Variants in CD276 observed in about 807,000 individuals in gnomAD.
CD276 encodes the protein CD276 molecule.
In CD276, 34 loss-of-function variants were observed where a neutral mutation model predicts 50.0. That is an observed-to-expected ratio of 0.68 (90% CI 0.52 to 0.91). CD276 has a LOEUF of 0.91. Ranked by LOEUF, CD276 falls within the 40% of genes least tolerant of loss-of-function variation. CD276 has a pLI of 0.00. For synonymous variants in CD276, 275 were observed against 313.0 expected, an observed-to-expected ratio of 0.88 and a Z score of 1.28; for missense variants, 634 against 717.5, an observed-to-expected ratio of 0.88 and a Z score of 1.33.
intron 2 of CD276, 51 bp from the exon 3 acceptor site, chr15:73,702,204 C>A: frequency 7.0e-7 from 1 of 1,420,474 alleles, no homozygotes; most frequent in Non-Finnish European, 9.5e-7. Flanking sequence ...ACTAGGGAGG[C>A]CCACCCCTCC....
chr15:73,707,158 C>G (rs1294214136), intron 6 of CD276, among the ~76,000 whole-genome samples: 1 of 152,262 alleles, frequency 6.6e-6, no homozygotes, highest in Non-Finnish European at 1.5e-5. Context: ...GCTGGGGTCT[C>G]TGCCGCCAAA....
chr15:73,713,268 C>A lies in CD276; in HGVS notation c.*312C>A. 1 of 372,364 alleles carries A rather than the reference C, an allele frequency of 2.7e-6. No individual in the cohort carries two copies. Among genetic ancestry groups the A allele is most frequent in the Non-Finnish European group, 4.8e-6 (1 of 207,572 alleles). 23.1% of individuals were successfully genotyped at this position (372,364 alleles called of 1,614,324 possible). A position where few individuals can be genotyped will look rare whatever the true frequency, so the allele number is the denominator to read the frequency against. ...TCTTAGGGACACAGTACACTGACCACATCACCACCCTCTTCTTCCAGTGCT... is the reference window on the plus strand; with the variant it reads ...TCTTAGGGACACAGTACACTGACCAAATCACCACCCTCTTCTTCCAGTGCT... On this transcript the variant is annotated 3_prime_UTR_variant, in exon 10 of 10. Transcript: ENST00000318443.
At chr15:73,691,372 T>C (rs890489735) in intron 1 of CD276, among the ~76,000 whole-genome samples, 1 of 152,204 alleles carries the variant, frequency 6.6e-6, no homozygotes, top group African/African-American at 2.4e-5. Context: ...GGATCAATTC[T>C]TTAGATTGTT....
rs777071836 is a variant in CD276, at chr15:73,714,221, A to T, written c.*1265A>T. 1.5e-5 allele frequency: 3 copies of T among 203,948 alleles called. No homozygotes were observed. The highest frequency in any genetic ancestry group is 2.9e-5 in the Non-Finnish European group (3 of 103,220). 12.6% of individuals were successfully genotyped at this position (203,948 alleles called of 1,614,324 possible). A position where few individuals can be genotyped will look rare whatever the true frequency, so the allele number is the denominator to read the frequency against. The stretch of plus-strand genomic sequence containing the variant: ...CTCTGGACCTTTCATAGCAGCAGAA[A>T]AGGCAGAGCCTGGGGCAGGGCAGGG... On this transcript the variant is annotated 3_prime_UTR_variant, in exon 10 of 10. Coordinates refer to ENST00000318443, the MANE Select transcript of CD276 (RefSeq NM_001024736.2).
In CD276 at chr15:73,687,874, A is replaced by G. The variant is rs977307456; in HGVS notation, c.-55+3414A>G. Among the ~76,000 whole-genome samples the G allele has an allele frequency of 6.6e-6, 1 of 152,134 alleles. No individual in the cohort carries two copies. The highest frequency in any genetic ancestry group is 1.5e-5 in the Non-Finnish European group (1 of 68,010). On this transcript the variant is annotated intron_variant, in intron 1 of 9. Transcript: ENST00000318443. The surrounding 1 kb of genome is among the most constrained non-coding windows in gnomAD (Gnocchi z 4.0). ...GGGAGAGATACTGTCTCTGGGAGGCAGGGGTCCCAAGTTACCCTAGAGGCA... is the reference window on the plus strand; with the variant it reads ...GGGAGAGATACTGTCTCTGGGAGGCGGGGGTCCCAAGTTACCCTAGAGGCA...
intron 4 of CD276, 139 bp downstream of exon 4, chr15:73,703,225 G>A (rs942594627): frequency 9.2e-7 from 1 of 1,086,714 alleles, no homozygotes; most frequent in African/African-American, 1.6e-5. Context: ...AGATAACGGG[G>A]AGGTGGGGAT....
intron 9 of CD276, 98 bp downstream of exon 9, chr15:73,711,268 T>A (rs1900890977): frequency 2.3e-6 from 3 of 1,296,324 alleles, no homozygotes; most frequent in Middle Eastern, 1.9e-4. Context: ...ACTAGTGACC[T>A]GAGGCCCCCT....
chr15:73,711,055 A>T, intron 8 of CD276, 80 bp from the exon 9 acceptor site: 1 of 1,466,856 alleles, frequency 6.8e-7, no homozygotes, highest in East Asian at 2.3e-5. Context: ...TCCAGCCCTC[A>T]CTCCTCCCTC....
At position 73,714,188 on chromosome 15, in the gene CD276, C is replaced by G. The variant is rs1164572823; in HGVS notation, c.*1232C>G. ...CCAGGTGTGGGCAGGTGGGCAGGCA[C>G]CAAGGCCCTCTGGACCTTTCATAGC... is the stretch of plus-strand genomic sequence containing the variant. On this transcript the variant is annotated 3_prime_UTR_variant, in exon 10 of 10. Transcript: ENST00000318443. 2 of 252,348 alleles carry G rather than the reference C, an allele frequency of 7.9e-6. No homozygotes were observed. Among genetic ancestry groups the G allele is most frequent in the African/African-American group, 4.8e-5 (2 of 42,030 alleles). 15.6% of individuals were successfully genotyped at this position (252,348 alleles called of 1,614,324 possible). A position where few individuals can be genotyped will look rare whatever the true frequency, so the allele number is the denominator to read the frequency against.
In CD276 at chr15:73,714,128, C is replaced by T. The variant is rs1252691122; in HGVS notation, c.*1172C>T. 2.2e-5 allele frequency: 6 copies of T among 276,932 alleles called. 1 individual carries two copies. Among genetic ancestry groups the T allele is most frequent in the South Asian group, 6.4e-5 (2 of 31,466 alleles). 17.2% of individuals were successfully genotyped at this position (276,932 alleles called of 1,614,324 possible). On this transcript the variant is annotated 3_prime_UTR_variant, in exon 10 of 10. Coordinates refer to ENST00000318443, the MANE Select transcript of CD276 (RefSeq NM_001024736.2). ...GAGAGAGGGACATAGCCCCTCGCCA[C>T]GGCTAGAGAATCTGGTGGTGTCCAA...
chr15:73,691,941 C>CT (rs1390543169), intron 1 of CD276, among the ~76,000 whole-genome samples: 1 of 152,130 alleles, frequency 6.6e-6, no homozygotes, highest in African/African-American at 2.4e-5. Context: ...CTCTGAGAAG[C>CT]TGTCAGGGAT....
intron 6 of CD276, among the ~76,000 whole-genome samples, chr15:73,707,134 C>T (rs961896839): frequency 1.3e-5 from 2 of 152,226 alleles, no homozygotes; most frequent in Admixed American, 6.5e-5. Context: ...GATCCATGCA[C>T]GAGGTGCATC....
chr15:73,690,797 T>C (rs1396926948), intron 1 of CD276: 1 of 455,264 alleles, frequency 2.2e-6, no homozygotes. Context: ...GAGTCCTATG[T>C]TGTAGGAACT....
intron 8 of CD276, among the ~76,000 whole-genome samples, chr15:73,710,496 G>A (rs1174690897): frequency 6.6e-6 from 1 of 152,216 alleles, no homozygotes; most frequent in African/African-American, 2.4e-5. Flanking sequence ...ATCCTGGGCT[G>A]GGAGAGGCAG....
chr15:73,694,697 G>A (rs1208656746), intron 1 of CD276, among the ~76,000 whole-genome samples: 2 of 152,156 alleles, frequency 1.3e-5, no homozygotes, highest in African/African-American at 4.8e-5. Context: ...GGAAAGGGAG[G>A]GGAGGGCATG....
At position 73,703,891 on chromosome 15, in the gene CD276, T is replaced by C. The variant is rs201893536; in HGVS notation, c.966T>C (p.Asn322=). Reference sequence around the variant, plus strand: ...TCCCGGACCTGCTGGCACAAGGCAATGCATCCCTGAGGCTGCAGCGCGTGC... The same window carrying C: ...TCCCGGACCTGCTGGCACAAGGCAACGCATCCCTGAGGCTGCAGCGCGTGC... ...ALFPDLLAQG[N]ASLRLQRVRV... is the part of the protein sequence containing the mutation. The change falls in exon 5 of 10, where the codon AAT becomes AAC. Residue 322 remains asparagine, a synonymous_variant. Coordinates refer to ENST00000318443, the MANE Select transcript of CD276 (RefSeq NM_001024736.2). 30 of 1,613,684 alleles carry C rather than the reference T, an allele frequency of 1.9e-5. No individual in the cohort carries two copies. Among genetic ancestry groups the C allele is most frequent in the Admixed American group, 1.5e-4 (9 of 60,014 alleles).
In CD276 at chr15:73,690,836, G is replaced by T. The variant is rs552406042; in HGVS notation, c.-55+6376G>T. ...AGCAGCCCACTGTGGTGAGGGGCAA[G>T]TAGGAAGAGGTGAGGCTGGGCAGGT... On this transcript the variant is annotated intron_variant, in intron 1 of 9. Coordinates refer to ENST00000318443, the MANE Select transcript of CD276 (RefSeq NM_001024736.2). 4 of 455,468 alleles carry T rather than the reference G, an allele frequency of 8.8e-6. No individual in the cohort carries two copies. In the East Asian group the frequency reaches 2.8e-4, roughly 32 times the overall value. The allele number at this position is 455,468 out of a possible 1,614,324, so 28.2% of individuals were successfully genotyped here.
In CD276 at chr15:73,690,729, C is replaced by A. The variant is rs548160217; in HGVS notation, c.-55+6269C>A. Reference sequence around the variant, plus strand: ...AAATTTCAACATGAGTCTTAAAGCACCCATGTCATCTAGGAAGAAGAAACT... The same window carrying A: ...AAATTTCAACATGAGTCTTAAAGCAACCATGTCATCTAGGAAGAAGAAACT... On this transcript the variant is annotated intron_variant, in intron 1 of 9. Coordinates refer to ENST00000318443, the MANE Select transcript of CD276 (RefSeq NM_001024736.2). 846 of 455,868 alleles carry A rather than the reference C, an allele frequency of 1.9e-3. 15 individuals carry two copies. The highest frequency in any genetic ancestry group is 0.011 in the South Asian group (708 of 64,524). 28.2% of individuals were successfully genotyped at this position (455,868 alleles called of 1,614,324 possible).
At position 73,702,357 on chromosome 15, in the gene CD276, C is replaced by T. The variant is rs1286742863; in HGVS notation, c.182C>T (p.Ala61Val). The T allele has an allele frequency of 2.5e-6, 4 of 1,613,640 alleles. No homozygotes were observed. Among genetic ancestry groups the T allele is most frequent in the Admixed American group, 1.7e-5 (1 of 60,026 alleles). ...SFSPEPGFSL[A>V]QLNLIWQLTD... ...TCCCCTGAGCCTGGCTTCAGCCTGG[C>T]ACAGCTCAACCTCATCTGGCAGCTG... is the stretch of plus-strand genomic sequence containing the variant. The change falls in exon 3 of 10, where the codon GCA (alanine) becomes GTA (valine). Residue 61 changes from alanine to valine, a missense_variant. Coordinates refer to ENST00000318443, the MANE Select transcript of CD276 (RefSeq NM_001024736.2).
Sources: allele counts gnomAD v4.1 joint callset (sites outside exome capture counted in the v4.1 genomes callset), GRCh38; gene constraint gnomAD v4.1.1; non-coding constraint Gnocchi (gnomAD v3.1); transcripts MANE v1.5; gene names NCBI Gene and HGNC (gene_info 2026-07-23, HGNC 2026-07-21).